PKP2: variants seen among roughly 807,000 people sequenced by gnomAD.
PKP2 encodes plakophilin-2.
A neutral mutation model predicts 83.4 loss-of-function variants in PKP2; 73 were observed. That is an observed-to-expected ratio of 0.88 (90% CI 0.72 to 1.06). PKP2 has a LOEUF of 1.06. PKP2 is among the 50% of genes least tolerant of loss of function. The pLI is 0.00. For synonymous variants in PKP2, 409 were observed against 430.4 expected, an observed-to-expected ratio of 0.95 and a Z score of 0.62; for missense variants, 966 against 1,065.4, an observed-to-expected ratio of 0.91 and a Z score of 1.30.
intron 9 of PKP2, among the ~76,000 whole-genome samples, chr12:32,816,999 G>C (rs776177298): frequency 2.6e-5 from 4 of 152,102 alleles, no homozygotes; most frequent in Non-Finnish European, 5.9e-5. Flanking sequence ...ACCTTTACCA[G>C]ATACATACTT....
At chr12:32,828,809 A>G (rs1318921841) in intron 6 of PKP2, among the ~76,000 whole-genome samples, 1 of 152,202 alleles carries the variant, frequency 6.6e-6, no homozygotes, top group Non-Finnish European at 1.5e-5. Context: ...GGAGATGGTT[A>G]AAGTAAAAGG....
At chr12:32,853,074 A>G (rs1336471147) in intron 4 of PKP2, among the ~76,000 whole-genome samples, 1 of 151,818 alleles carries the variant, frequency 6.6e-6, no homozygotes, top group Non-Finnish European at 1.5e-5. Context: ...ACAGTGTGAG[A>G]CTCCATCTCA....
intron 10 of PKP2, among the ~76,000 whole-genome samples, chr12:32,801,573 T>C (rs1046533341): frequency 6.6e-6 from 1 of 152,218 alleles, no homozygotes; most frequent in Non-Finnish European, 1.5e-5. Flanking sequence ...TCTGGGGCTA[T>C]ATATGTGCAT....
intron 10 of PKP2, among the ~76,000 whole-genome samples, chr12:32,800,473 GC>G (rs1403000674): frequency 1.3e-5 from 2 of 152,212 alleles, no homozygotes; most frequent in Non-Finnish European, 2.9e-5. Context: ...TGTGGTTCAA[GC>G]ACACAGCATA....
chr12:32,792,173 G>C lies in PKP2; in HGVS notation c.*251C>G, dbSNP rs12612. ...TCACATTTTGATTCCAGGAAGCCAT[G>C]TACCATAAGCCCTAATAACAAAGAC... On this transcript the variant is annotated 3_prime_UTR_variant, in exon 13 of 13. Transcript: ENST00000340811. 309,294 of 523,440 alleles carry C rather than the reference G, an allele frequency of 0.59. 96,672 individuals are homozygous for C. Among genetic ancestry groups the C allele is most frequent in the Non-Finnish European group, 0.67 (193,051 of 290,126 alleles). 32.4% of individuals were successfully genotyped at this position (523,440 alleles called of 1,614,324 possible).
At chr12:32,833,600 A>G (rs1592743058) in intron 6 of PKP2, among the ~76,000 whole-genome samples, 1 of 152,174 alleles carries the variant, frequency 6.6e-6, no homozygotes, top group African/African-American at 2.4e-5. Context: ...TGTAAGAGAC[A>G]ATGAAAATTT....
At chr12:32,875,405 G>A (rs753927882) in intron 3 of PKP2, among the ~76,000 whole-genome samples, 1 of 152,192 alleles carries the variant, frequency 6.6e-6, no homozygotes, top group Non-Finnish European at 1.5e-5. Flanking sequence ...AAAGTAAAGA[G>A]GTTCCAGGTG....
At chr12:32,795,646 G>A (rs772625608) in intron 11 of PKP2, among the ~76,000 whole-genome samples, 20 of 152,114 alleles carry the variant, frequency 1.3e-4, no homozygotes, top group Admixed American at 3.9e-4. Flanking sequence ...CTCCCAAAGT[G>A]CTGGGATTAC....
chr12:32,841,531 A>G (rs1265820004), intron 5 of PKP2, among the ~76,000 whole-genome samples: 1 of 152,166 alleles, frequency 6.6e-6, no homozygotes, highest in Non-Finnish European at 1.5e-5. Context: ...AGCTGACCTG[A>G]CCGGGATAAT....
intron 4 of PKP2, 53 bp from the exon 5 acceptor site, chr12:32,851,026 G>T: frequency 7.1e-7 from 1 of 1,407,986 alleles, no homozygotes; most frequent in Non-Finnish European, 1.0e-6. Flanking sequence ...GTGGCATCAA[G>T]GCATTCAATG....
intron 6 of PKP2, among the ~76,000 whole-genome samples, chr12:32,835,508 T>A (rs1956537602): frequency 6.6e-6 from 1 of 151,724 alleles, no homozygotes; most frequent in Non-Finnish European, 1.5e-5. Flanking sequence ...AAAAGATATT[T>A]TAGCAGCTTT....
At position 32,839,741 on chromosome 12, in the gene PKP2, A is replaced by T. The variant is rs193260106; in HGVS notation, c.1556+1287T>A. On this transcript the variant is annotated intron_variant, in intron 6 of 12. Transcript: ENST00000340811. Reference sequence around the variant, plus strand: ...GAACTCTGTTTTATGTGGTAAGGCAATGGGAGCTGGAGAGAAACTTTAAGA... The same window carrying T: ...GAACTCTGTTTTATGTGGTAAGGCATTGGGAGCTGGAGAGAAACTTTAAGA... 6.0e-3 allele frequency among the ~76,000 whole-genome samples: 913 copies of T among 152,238 alleles called. 4 individuals carry two copies. Among genetic ancestry groups the T allele is most frequent in the Non-Finnish European group, 9.0e-3 (610 of 68,010 alleles).
intron 5 of PKP2, among the ~76,000 whole-genome samples, chr12:32,847,101 GA>G (rs968932354): frequency 1.0e-4 from 15 of 145,750 alleles, no homozygotes; most frequent in African/African-American, 2.0e-4. Context: ...TAGGGGTTCA[GA>G]AAAAAAAAAG....
chr12:32,796,139 T>C lies in PKP2; in HGVS notation c.2327A>G (p.Gln776Arg). Residue 776 changes from glutamine (Q) to arginine (R), a missense_variant, in exon 11 of 13, where the codon CAG (glutamine) becomes CGG (arginine). Gln to Arg is a conservative substitution (Grantham distance 43). Coordinates refer to ENST00000340811, the MANE Select transcript of PKP2 (RefSeq NM_001005242.3). ...GCCTGCACTAATGGCCATAATTTTC[T>C]GGATGCCCCCGGTGTTTAGAAGGTC... The part of the protein sequence containing the change: ...ARDLLNTGGI[Q>R]KIMAISAGDA... 6.2e-7 allele frequency: 1 copy of C among 1,614,168 alleles called. No homozygotes were observed. The highest frequency in any genetic ancestry group is 1.1e-5 in the South Asian group (1 of 91,076).
intron 9 of PKP2, among the ~76,000 whole-genome samples, chr12:32,818,392 C>T (rs1956340194): frequency 6.6e-6 from 1 of 152,070 alleles, no homozygotes; most frequent in South Asian, 2.1e-4. Flanking sequence ...ACCCAGGAGA[C>T]AGAGGTTGCA....
intron 6 of PKP2, among the ~76,000 whole-genome samples, chr12:32,840,558 C>G (rs908112465): frequency 6.6e-6 from 1 of 152,142 alleles, no homozygotes; most frequent in African/African-American, 2.4e-5. Context: ...CTCAGCCTCC[C>G]AAAGTGCTGG....
chr12:32,842,541 C>T lies in PKP2; in HGVS notation c.1379-1336G>A, dbSNP rs7300670. On this transcript the variant is annotated intron_variant, in intron 5 of 12. Coordinates refer to ENST00000340811, the MANE Select transcript of PKP2 (RefSeq NM_001005242.3). ...CAGGCATGAGCCATTGCCTGGCCCGCCTCATTATCTTTCATACCGTAATGG... is the reference window on the plus strand; with the variant it reads ...CAGGCATGAGCCATTGCCTGGCCCGTCTCATTATCTTTCATACCGTAATGG... Among the ~76,000 whole-genome samples the T allele has an allele frequency of 2.1e-3, 321 of 151,750 alleles. 2 individuals are homozygous for T. Among genetic ancestry groups the T allele is most frequent in the African/African-American group, 7.3e-3 (301 of 41,358 alleles).
chr12:32,883,943 C>T (rs1010060470), intron 1 of PKP2, among the ~76,000 whole-genome samples: 3 of 152,182 alleles, frequency 2.0e-5, no homozygotes, highest in African/African-American at 7.2e-5. Flanking sequence ...CTTCCTCTCA[C>T]CCCTTCTCCC....
intron 1 of PKP2, among the ~76,000 whole-genome samples, chr12:32,881,684 C>T (rs749972027): frequency 4.6e-5 from 7 of 152,166 alleles, no homozygotes; most frequent in East Asian, 3.9e-4. Flanking sequence ...GACGGAGTTT[C>T]GCTCTTGTTG....
Sources: gnomAD v4.1 joint callset for allele counts (sites outside exome capture counted in the v4.1 genomes callset) on GRCh38, gnomAD v4.1.1 for gene constraint, MANE v1.5 for transcripts, NCBI Gene and HGNC (gene_info 2026-07-23, HGNC 2026-07-21) for gene names.